PLPP4: variants seen among roughly 807,000 people sequenced by gnomAD.
The protein encoded by PLPP4 is phospholipid phosphatase 4.
A neutral mutation model predicts 32.2 loss-of-function variants in PLPP4; 20 were observed. The observed-to-expected ratio is 0.62, with a 90% CI of 0.44 to 0.90. PLPP4 has a LOEUF of 0.90. Ranked by LOEUF, PLPP4 falls within the 40% of genes least tolerant of loss-of-function variation. PLPP4 has a pLI of 0.00. For missense variants in PLPP4, 257 were observed against 353.1 expected (o/e 0.73, Z 2.18); for synonymous variants, 127 against 133.0 (o/e 0.95, Z 0.31).
intron 1 of PLPP4, among the ~76,000 whole-genome samples, chr10:120,483,258 T>G (rs2463154): frequency 0.99 from 150,587 of 152,208 alleles, 74,510 homozygotes; most frequent in East Asian, 1. Flanking sequence ...TTGAGACTCC[T>G]GCTGATCCAC....
intron 1 of PLPP4, among the ~76,000 whole-genome samples, chr10:120,500,701 C>T (rs1845206155): frequency 6.6e-6 from 1 of 151,826 alleles, no homozygotes; most frequent in Non-Finnish European, 1.5e-5. Context: ...GGGTGGGGTT[C>T]CAGATCCTTT....
rs1335980113 is a variant in PLPP4, at chr10:120,589,582, T to C, written c.*80T>C. The C allele has an allele frequency of 1.8e-6, 2 of 1,127,118 alleles. No homozygotes were observed. Among genetic ancestry groups the C allele is most frequent in the African/African-American group, 3.1e-5 (2 of 64,874 alleles). 69.8% of individuals were successfully genotyped at this position (1,127,118 alleles called of 1,614,324 possible). On this transcript the variant is annotated 3_prime_UTR_variant, in exon 7 of 7. Transcript: ENST00000398250. ...TCATAACACAATAGAAATGGTTTTC[T>C]GTAGTGTATTTTTCATCAGTTGTTT... is the stretch of plus-strand genomic sequence containing the variant.
At chr10:120,457,449 C>A in intron 1 of PLPP4, 88 bp downstream of exon 1, 1 of 1,223,292 alleles carries the variant, frequency 8.2e-7, no homozygotes, top group Non-Finnish European at 1.1e-6. Context: ...GTTTGCGCAG[C>A]CGCTTCCCAC....
chr10:120,489,065 C>T (rs931181696), intron 1 of PLPP4, among the ~76,000 whole-genome samples: 3 of 152,166 alleles, frequency 2.0e-5, no homozygotes, highest in Admixed American at 2.0e-4. Context: ...CCTTTTGTCC[C>T]TCCAGGTGCC....
rs768520470 is a variant in PLPP4 at position 120,513,928 on chromosome 10, A to T, written c.183A>T (p.Thr61=). 1.3e-5 allele frequency: 21 copies of T among 1,613,850 alleles called. No homozygotes were observed. In the Admixed American group the frequency reaches 3.5e-4, roughly 27 times the overall value. ...TRLMFAISFL[T]PLAVICVVKI... ...TCTTCCAGGCAATTTCTTTCCTCAC[A>T]CCCCTGGCTGTTATTTGTGTGGTGA... Residue 61 remains threonine, a synonymous_variant, in exon 3 of 7, where the codon ACA becomes ACT. Transcript: ENST00000398250.
intron 1 of PLPP4, 116 bp from the exon 2 acceptor site, chr10:120,503,702 C>G (rs551559186): frequency 6.3e-7 from 1 of 1,589,596 alleles, no homozygotes; most frequent in Admixed American, 1.8e-5. Flanking sequence ...GTCTCTTTCC[C>G]CTTCCCCAGC....
rs561404421 is a variant in PLPP4 at position 120,591,132 on chromosome 10, T to C, written c.*1630T>C. Among the ~76,000 whole-genome samples, 15 of 152,312 alleles carry C rather than the reference T, an allele frequency of 9.8e-5. No homozygotes were observed. The highest frequency in any genetic ancestry group is 3.6e-4 in the African/African-American group (15 of 41,564). On this transcript the variant is annotated 3_prime_UTR_variant, in exon 7 of 7. Transcript: ENST00000398250. ...ATTTTGAGAGACTCAGGTGGCTGCC[T>C]AAATGGTCAGCTTATCAGCCCTGGG...
intron 5 of PLPP4, among the ~76,000 whole-genome samples, chr10:120,572,916 G>A (rs951976964): frequency 5.3e-5 from 8 of 152,306 alleles, no homozygotes; most frequent in Middle Eastern, 3.4e-3. Flanking sequence ...GCAGGGCTGG[G>A]CCATGCAGTT....
intron 1 of PLPP4, among the ~76,000 whole-genome samples, chr10:120,463,245 C>G (rs547965074): frequency 6.4e-4 from 98 of 152,184 alleles, no homozygotes; most frequent in African/African-American, 2.2e-3. Context: ...CCAGGATGGT[C>G]TCGATCTCCT....
At chr10:120,547,930 G>T (rs1564832097) in intron 5 of PLPP4, among the ~76,000 whole-genome samples, 1 of 152,036 alleles carries the variant, frequency 6.6e-6, no homozygotes, top group Non-Finnish European at 1.5e-5. Flanking sequence ...TATTATGAGG[G>T]TTATATCATG....
chr10:120,494,755 TG>T (rs1393303401), intron 1 of PLPP4, among the ~76,000 whole-genome samples: 1 of 152,184 alleles, frequency 6.6e-6, no homozygotes, highest in African/African-American at 2.4e-5. Flanking sequence ...AGCAACTTCT[TG>T]GGGTCTTCAT....
At chr10:120,461,735 A>T (rs139357624) in intron 1 of PLPP4, among the ~76,000 whole-genome samples, 1 of 152,212 alleles carries the variant, frequency 6.6e-6, no homozygotes, top group African/African-American at 2.4e-5. Context: ...ATTGTCTCCA[A>T]TGCAATTACT....
intron 6 of PLPP4, chr10:120,580,955 G>T: frequency 7.8e-7 from 1 of 1,289,156 alleles, no homozygotes; most frequent in Non-Finnish European, 1.0e-6. Flanking sequence ...GCCAACCCCC[G>T]CCTCTGTCTG....
chr10:120,470,211 C>T (rs924325520), intron 1 of PLPP4, among the ~76,000 whole-genome samples: 7 of 152,178 alleles, frequency 4.6e-5, no homozygotes, highest in South Asian at 4.1e-4. Context: ...TGTTGAGCAT[C>T]GTTTCACAAG....
chr10:120,494,534 G>A (rs747247278), intron 1 of PLPP4, among the ~76,000 whole-genome samples: 2 of 152,224 alleles, frequency 1.3e-5, no homozygotes, highest in Non-Finnish European at 2.9e-5. Context: ...CTAAGCCTCA[G>A]TCTTTGCATC....
chr10:120,538,555 C>T (rs1388464064), intron 5 of PLPP4, among the ~76,000 whole-genome samples: 1 of 152,136 alleles, frequency 6.6e-6, no homozygotes, highest in African/African-American at 2.4e-5. Flanking sequence ...GGTCACTCCT[C>T]AGCTTGAACT....
intron 5 of PLPP4, among the ~76,000 whole-genome samples, chr10:120,562,384 G>A (rs1263826205): frequency 6.6e-6 from 1 of 152,036 alleles, no homozygotes; most frequent in Non-Finnish European, 1.5e-5. Context: ...CTGCAAATAA[G>A]TACAGTTTCA....
chr10:120,534,289 T>G (rs1758876652), intron 5 of PLPP4, among the ~76,000 whole-genome samples: 1 of 152,082 alleles, frequency 6.6e-6, no homozygotes. Flanking sequence ...TGGAGTTGTT[T>G]CTATTGGGAA....
chr10:120,560,939 T>C (rs1045201357), intron 5 of PLPP4, among the ~76,000 whole-genome samples: 3 of 152,128 alleles, frequency 2.0e-5, no homozygotes, highest in African/African-American at 7.2e-5. Flanking sequence ...GATTTTCAAT[T>C]GCATGGGGTG....
Sources: allele counts gnomAD v4.1 joint callset (sites outside exome capture counted in the v4.1 genomes callset), GRCh38; gene constraint gnomAD v4.1.1; transcripts MANE v1.5; gene names NCBI Gene and HGNC (gene_info 2026-07-23, HGNC 2026-07-21).